SH3GL2: variants seen among roughly 807,000 people sequenced by gnomAD.
SH3GL2 encodes the protein SH3 domain containing GRB2 like 2, endophilin A1.
Under a neutral mutation model 46.0 loss-of-function variants are expected in SH3GL2, and 24 were observed. The observed-to-expected ratio is 0.52, with a 90% CI of 0.38 to 0.73. SH3GL2 has a LOEUF of 0.73. SH3GL2 is among the 30% of genes least tolerant of loss of function. The probability of loss-of-function intolerance (pLI) is 0.00; values close to 1 mark genes in which losing one functional copy is unlikely to be tolerated. For missense variants in SH3GL2, 413 were observed against 424.2 expected (o/e 0.97, Z 0.23); for synonymous variants, 196 against 147.1 (o/e 1.33, Z -2.40).
chr9:17,683,670 G>A (rs1820832134), intron 1 of SH3GL2, among the ~76,000 whole-genome samples: 1 of 152,166 alleles, frequency 6.6e-6, no homozygotes, highest in South Asian at 2.1e-4. Context: ...CATACACCAG[G>A]ATGCTAAGCT....
chr9:17,765,281 T>G (rs1823284218), intron 3 of SH3GL2, among the ~76,000 whole-genome samples: 1 of 144,332 alleles, frequency 6.9e-6, no homozygotes, highest in Non-Finnish European at 1.5e-5. Flanking sequence ...GGGGAATCAG[T>G]AGGATTTGAT....
At chr9:17,641,090 A>G (rs1434613803) in intron 1 of SH3GL2, among the ~76,000 whole-genome samples, 1 of 152,246 alleles carries the variant, frequency 6.6e-6, no homozygotes, top group African/African-American at 2.4e-5. Flanking sequence ...TTAAAAAGTT[A>G]TTAAGCATTT....
chr9:17,671,036 GTC>G, intron 1 of SH3GL2, among the ~76,000 whole-genome samples: 1 of 152,300 alleles, frequency 6.6e-6, no homozygotes, highest in Middle Eastern at 3.4e-3. Flanking sequence ...CTTATGGAGT[GTC>G]TCTGAGAAGA....
intron 3 of SH3GL2, among the ~76,000 whole-genome samples, chr9:17,784,466 A>G (rs555411479): frequency 1.3e-5 from 2 of 152,152 alleles, no homozygotes; most frequent in African/African-American, 4.8e-5. Context: ...CCTTCTATTC[A>G]TTCTGTGTGT....
rs115562957 is a variant in SH3GL2 at position 17,655,738 on chromosome 9, C to T, written c.45+76451C>T. 4.0e-3 allele frequency among the ~76,000 whole-genome samples: 606 copies of T among 152,310 alleles called. 2 individuals are homozygous for T. Among genetic ancestry groups the T allele is most frequent in the African/African-American group, 0.014 (576 of 41,576 alleles). On this transcript the variant is annotated intron_variant, in intron 1 of 8. Transcript: ENST00000380607. Reference sequence around the variant, plus strand: ...TTCATGCCCTCTGGCCTTCTAGCCCCGTGCATCGTTTTTGAGCACATTTGA... The same window carrying T: ...TTCATGCCCTCTGGCCTTCTAGCCCTGTGCATCGTTTTTGAGCACATTTGA...
At chr9:17,732,149 T>C (rs1429808398) in intron 1 of SH3GL2, among the ~76,000 whole-genome samples, 1 of 152,138 alleles carries the variant, frequency 6.6e-6, no homozygotes, top group Non-Finnish European at 1.5e-5. Context: ...ACAACAATCA[T>C]AACAGCACAT....
intron 1 of SH3GL2, among the ~76,000 whole-genome samples, chr9:17,738,029 T>C (rs1822392572): frequency 6.6e-6 from 1 of 152,130 alleles, no homozygotes; most frequent in Admixed American, 6.6e-5. Context: ...TATTCTGTAC[T>C]TTGGTTAATG....
At chr9:17,591,520 A>G (rs1039449909) in intron 1 of SH3GL2, among the ~76,000 whole-genome samples, 3 of 152,198 alleles carry the variant, frequency 2.0e-5, no homozygotes, top group Admixed American at 6.5e-5. Context: ...TCATTGGTGT[A>G]TTAAACAAGT....
chr9:17,730,722 A>G (rs1276925959), intron 1 of SH3GL2, among the ~76,000 whole-genome samples: 1 of 151,894 alleles, frequency 6.6e-6, no homozygotes, highest in African/African-American at 2.4e-5. Flanking sequence ...ATACTCTCCT[A>G]AATTTTAAAT....
chr9:17,607,242 C>T (rs150905890), intron 1 of SH3GL2, among the ~76,000 whole-genome samples: 27 of 152,230 alleles, frequency 1.8e-4, no homozygotes, highest in African/African-American at 6.3e-4. Flanking sequence ...ATGATGTAGT[C>T]CATTGCTCCA....
At chr9:17,671,646 A>G (rs998752541) in intron 1 of SH3GL2, among the ~76,000 whole-genome samples, 4 of 152,168 alleles carry the variant, frequency 2.6e-5, no homozygotes, top group Non-Finnish European at 4.4e-5. Flanking sequence ...AAAAAATTAT[A>G]AAAGCAAAAA....
At chr9:17,787,904 A>G (rs927498778) in intron 5 of SH3GL2, among the ~76,000 whole-genome samples, 4 of 152,208 alleles carry the variant, frequency 2.6e-5, no homozygotes, top group Non-Finnish European at 5.9e-5. Flanking sequence ...TAGTTATTCT[A>G]TCACTGCATA....
At chr9:17,603,459 A>C (rs1350247972) in intron 1 of SH3GL2, among the ~76,000 whole-genome samples, 1 of 152,190 alleles carries the variant, frequency 6.6e-6, no homozygotes, top group African/African-American at 2.4e-5. Flanking sequence ...AAAGTAGAAC[A>C]GTGGTTGAGA....
chr9:17,685,997 G>C (rs1820898524), intron 1 of SH3GL2, among the ~76,000 whole-genome samples: 1 of 144,014 alleles, frequency 6.9e-6, no homozygotes, highest in African/African-American at 2.6e-5. Context: ...CCATCAGAGT[G>C]AACAGGCAAC....
chr9:17,659,126 G>T lies in SH3GL2; in HGVS notation c.45+79839G>T, dbSNP rs75121816. 1.2e-4 allele frequency among the ~76,000 whole-genome samples: 19 copies of T among 152,238 alleles called. 1 individual carries two copies. In the East Asian group the frequency reaches 2.5e-3, roughly 20 times the overall value. On this transcript the variant is annotated intron_variant, in intron 1 of 8. Transcript: ENST00000380607. ...ACTGGGAAGCCAGGGAGAGAATATA[G>T]AGTGCAGAAAAAGAACGGGAAAGGG...
intron 2 of SH3GL2, among the ~76,000 whole-genome samples, chr9:17,748,428 A>G (rs1028365997): frequency 5.9e-5 from 9 of 152,194 alleles, no homozygotes; most frequent in African/African-American, 2.2e-4. Context: ...TGATTCTACC[A>G]GAAGTTTTTT....
rs1431557379 is a variant in SH3GL2 at position 17,665,606 on chromosome 9, C to G, written c.46-81460C>G. ...ATTTATTCTGATGCTCAAATTGTTA[C>G]AAATCTGGCCAGTAAGAGCCCCGTC... On this transcript the variant is annotated intron_variant, in intron 1 of 8. Transcript: ENST00000380607. Among the ~76,000 whole-genome samples, 3 of 152,060 alleles carry G rather than the reference C, an allele frequency of 2.0e-5. 1 individual carries two copies. The South Asian group carries it at 6.2e-4, about 31-fold the overall frequency.
intron 3 of SH3GL2, among the ~76,000 whole-genome samples, chr9:17,777,036 A>G (rs1043804340): frequency 1.3e-5 from 2 of 152,320 alleles, no homozygotes; most frequent in Admixed American, 1.3e-4. Flanking sequence ...AGACAGAGGC[A>G]GGGAGACCTT....
chr9:17,696,375 A>G (rs1347307637), intron 1 of SH3GL2, among the ~76,000 whole-genome samples: 1 of 152,228 alleles, frequency 6.6e-6, no homozygotes, highest in African/African-American at 2.4e-5. Context: ...TCCTGGATGT[A>G]TTACAGCAGA....
Sources: gnomAD v4.1 joint callset for allele counts (sites outside exome capture counted in the v4.1 genomes callset) on GRCh38, gnomAD v4.1.1 for gene constraint, MANE v1.5 for transcripts, NCBI Gene and HGNC (gene_info 2026-07-23, HGNC 2026-07-21) for gene names.